Variants in STXBP5L observed in about 807,000 individuals in gnomAD.
STXBP5L encodes syntaxin-binding protein 5-like.
Under a neutral mutation model 144.5 loss-of-function variants are expected in STXBP5L, and 65 were observed. That is an observed-to-expected ratio of 0.45 (90% CI 0.37 to 0.55). The LOEUF (loss-of-function observed/expected upper bound fraction) is 0.55, where lower values mean the gene tolerates loss of function less well. Among genes scored for constraint, STXBP5L ranks in the 20% least tolerant of loss-of-function variants. The pLI is 0.00. For synonymous variants in STXBP5L, 505 were observed against 469.6 expected (o/e 1.08, Z -0.97); for missense variants, 1,298 against 1,405.5 (o/e 0.92, Z 1.22).
rs566822990 is a variant in STXBP5L at position 121,094,619 on chromosome 3, T to G, written c.471-20306T>G. 2.6e-4 allele frequency among the ~76,000 whole-genome samples: 39 copies of G among 152,232 alleles called. No homozygotes were observed. In the East Asian group the frequency reaches 3.3e-3, roughly 13 times the overall value. ...CCCCTGCCTTTTTTTGTTTTCCATT[T>G]GCTTGGTAGATCTTCCTCCATCCTT... On this transcript the variant is annotated intron_variant, in intron 5 of 26. Coordinates refer to ENST00000471454, the MANE Select transcript of STXBP5L (RefSeq NM_001308330.2).
chr3:121,167,105 C>T (rs1314002046), intron 9 of STXBP5L, among the ~76,000 whole-genome samples: 1 of 151,986 alleles, frequency 6.6e-6, no homozygotes, highest in African/African-American at 2.4e-5. Flanking sequence ...TAAAGAGAAA[C>T]AAGGAAGCAA....
chr3:121,207,110 T>C (rs1177749569), intron 10 of STXBP5L, among the ~76,000 whole-genome samples: 2 of 152,176 alleles, frequency 1.3e-5, no homozygotes, highest in Non-Finnish European at 2.9e-5. Flanking sequence ...TAGATATCTC[T>C]TTAGCCTACT....
At position 121,114,932 on chromosome 3, in the gene STXBP5L, T is replaced by C. The variant is rs1278120403; in HGVS notation, c.478T>C (p.Tyr160His). 4 of 1,527,952 alleles carry C rather than the reference T, an allele frequency of 2.6e-6. No individual in the cohort carries two copies. In the African/African-American group the frequency reaches 4.2e-5, roughly 16 times the overall value. The allele number at this position is 1,527,952 out of a possible 1,614,324, so 94.6% of individuals were successfully genotyped here. The change falls in exon 6 of 27, where the codon TAC (tyrosine) becomes CAC (histidine). Residue 160 changes from tyrosine (Y) to histidine (H), a missense_variant. By Grantham distance (83) the Tyr-to-His change is moderately conservative (BLOSUM62 2). Coordinates refer to ENST00000471454, the MANE Select transcript of STXBP5L (RefSeq NM_001308330.2). ...TAATTTTCTTTCTTTCAGAATTACT[T>C]ACTGTCATCTACCTTTCCAGAGTAA... Reference protein sequence around the residue: ...SLKFNRERITYCHLPFQSKWL... With the variant: ...SLKFNRERITHCHLPFQSKWL...
At chr3:121,203,546 T>C (rs1486200832) in intron 9 of STXBP5L, among the ~76,000 whole-genome samples, 1 of 152,182 alleles carries the variant, frequency 6.6e-6, no homozygotes, top group African/African-American at 2.4e-5. Context: ...GTCGATAATG[T>C]TGTGATACAC....
chr3:121,096,943 C>T (rs865929527), intron 5 of STXBP5L, among the ~76,000 whole-genome samples: 5 of 152,322 alleles, frequency 3.3e-5, no homozygotes, highest in Middle Eastern at 3.4e-3. Flanking sequence ...GTTGTGCCCA[C>T]AGCAGCCCCT....
At chr3:121,217,438 G>T (rs560770729) in intron 10 of STXBP5L, among the ~76,000 whole-genome samples, 1 of 152,224 alleles carries the variant, frequency 6.6e-6, no homozygotes, top group South Asian at 2.1e-4. Context: ...AGGGGAGGAA[G>T]TTCTTCAACC....
chr3:121,243,659 A>G (rs1162293378), intron 14 of STXBP5L, among the ~76,000 whole-genome samples: 1 of 152,032 alleles, frequency 6.6e-6, no homozygotes, highest in Non-Finnish European at 1.5e-5. Flanking sequence ...GCCTCAAAAT[A>G]TCTCACTTTT....
intron 3 of STXBP5L, among the ~76,000 whole-genome samples, chr3:121,030,404 T>G (rs1946282038): frequency 6.6e-6 from 1 of 152,140 alleles, no homozygotes; most frequent in Non-Finnish European, 1.5e-5. Context: ...CTGGAAATTG[T>G]GATTCTCAGC....
intron 16 of STXBP5L, among the ~76,000 whole-genome samples, 187 bp from the exon 17 acceptor site, chr3:121,256,974 T>C (rs2108380543): frequency 6.6e-6 from 1 of 152,230 alleles, no homozygotes; most frequent in South Asian, 2.1e-4. Flanking sequence ...AACTATTTGA[T>C]TTAGTATGAG....
intron 5 of STXBP5L, among the ~76,000 whole-genome samples, chr3:121,090,272 A>T (rs1322298736): frequency 6.6e-6 from 1 of 152,132 alleles, no homozygotes; most frequent in Non-Finnish European, 1.5e-5. Context: ...ATTGAAGTTC[A>T]GGTGCTCCAT....
At position 121,418,378 on chromosome 3, in the gene STXBP5L, C is replaced by A; in HGVS notation, c.3268C>A (p.Gln1090Lys). 1.2e-6 allele frequency: 2 copies of A among 1,613,988 alleles called. No homozygotes were observed. Among genetic ancestry groups the A allele is most frequent in the Non-Finnish European group, 8.5e-7 (1 of 1,179,942 alleles). The change falls in exon 26 of 27, where the codon CAA becomes AAA. Residue 1090 changes from glutamine (Q) to lysine (K), a missense_variant. Transcript: ENST00000471454. ...AGGAAAAGCATCCCGCAGCCTTGCGCAACACATTCCTGGACCAGGTAGTAT... is the reference window on the plus strand; with the variant it reads ...AGGAAAAGCATCCCGCAGCCTTGCGAAACACATTCCTGGACCAGGTAGTAT... The part of the protein sequence containing the change: ...SAGKASRSLA[Q>K]HIPGPGSIEG...
chr3:121,182,165 C>A (rs879693058), intron 9 of STXBP5L, among the ~76,000 whole-genome samples: 4 of 152,128 alleles, frequency 2.6e-5, no homozygotes, highest in Non-Finnish European at 5.9e-5. Flanking sequence ...ATATGCTAGA[C>A]CAAGTGGACT....
chr3:121,192,908 A>C (rs1210082358), intron 9 of STXBP5L, among the ~76,000 whole-genome samples: 1 of 152,174 alleles, frequency 6.6e-6, no homozygotes, highest in Non-Finnish European at 1.5e-5. Flanking sequence ...GGACATAGGC[A>C]TGGGCAAGGA....
chr3:120,974,982 C>G (rs995571425), intron 3 of STXBP5L, among the ~76,000 whole-genome samples: 7 of 152,078 alleles, frequency 4.6e-5, no homozygotes, highest in African/African-American at 1.2e-4. Context: ...AGCGTGATGC[C>G]TCCAGCTTTG....
chr3:121,223,980 G>A (rs1345657218), intron 11 of STXBP5L, among the ~76,000 whole-genome samples: 1 of 151,888 alleles, frequency 6.6e-6, no homozygotes, highest in African/African-American at 2.4e-5. Context: ...TGAGAAAAGT[G>A]AAAACATAAA....
At chr3:120,913,083 T>TA (rs1383673332) in intron 2 of STXBP5L, among the ~76,000 whole-genome samples, 2 of 152,002 alleles carry the variant, frequency 1.3e-5, no homozygotes, top group African/African-American at 4.8e-5. Context: ...TTTTCTTTTT[T>TA]AAAAACCTAT....
intron 7 of STXBP5L, 102 bp downstream of exon 7, chr3:121,121,806 G>A (rs372450304): frequency 2.7e-5 from 18 of 664,186 alleles, no homozygotes; most frequent in Admixed American, 1.3e-4. Context: ...CCAGTTGATA[G>A]CATTTTATAT....
intron 3 of STXBP5L, among the ~76,000 whole-genome samples, chr3:121,000,623 C>T (rs1943695625): frequency 6.6e-6 from 1 of 152,154 alleles, no homozygotes; most frequent in South Asian, 2.1e-4. Context: ...TCATTTCAGC[C>T]ATTTCAGTTT....
chr3:121,174,383 A>G (rs2046849873), intron 9 of STXBP5L, among the ~76,000 whole-genome samples: 1 of 152,076 alleles, frequency 6.6e-6, no homozygotes, highest in African/African-American at 2.4e-5. Flanking sequence ...TTTTAGGCTA[A>G]AGCTGTTTGT....
Sources: gnomAD v4.1 joint callset for allele counts (sites outside exome capture counted in the v4.1 genomes callset) on GRCh38, gnomAD v4.1.1 for gene constraint, MANE v1.5 for transcripts, NCBI Gene and HGNC (gene_info 2026-07-23, HGNC 2026-07-21) for gene names.